Variants in GRM3 observed in about 807,000 individuals in gnomAD.
GRM3 encodes glutamate metabotropic receptor 3.
In GRM3, 26 loss-of-function variants were observed where a neutral mutation model predicts 70.5. The ratio of observed to expected loss-of-function variants is 0.37; its 90% CI spans 0.27 to 0.51. GRM3 has a LOEUF of 0.51. GRM3 is among the 20% of genes least tolerant of loss of function. GRM3 has a pLI of 0.93. For missense variants in GRM3, 859 were observed against 1,123.8 expected (o/e 0.76, Z 3.37); for synonymous variants, 443 against 434.9 (o/e 1.02, Z -0.23).
intron 1 of GRM3, among the ~76,000 whole-genome samples, chr7:86,722,576 AG>A (rs1388743259): frequency 2.1e-5 from 2 of 96,572 alleles, no homozygotes; most frequent in Non-Finnish European, 2.0e-5. Flanking sequence ...CATGGAAGGC[AG>A]GGGGGCATCA....
intron 1 of GRM3, among the ~76,000 whole-genome samples, chr7:86,744,817 ATGCCTGCCTT>A (rs1212975593): frequency 6.6e-6 from 1 of 152,058 alleles, no homozygotes; most frequent in Non-Finnish European, 1.5e-5. Context: ...GGAATATGAT[ATGCCTGCCTT>A]ACAAAAGATA....
intron 5 of GRM3, among the ~76,000 whole-genome samples, chr7:86,852,734 A>G (rs1305466938): frequency 7.9e-5 from 12 of 152,204 alleles, no homozygotes; most frequent in Admixed American, 6.6e-4. Context: ...TTTAACGTGC[A>G]TAAGTAACAA....
chr7:86,727,189 A>G (rs928408439), intron 1 of GRM3, among the ~76,000 whole-genome samples: 1 of 152,172 alleles, frequency 6.6e-6, no homozygotes, highest in Non-Finnish European at 1.5e-5. Context: ...TTTGTGGAAG[A>G]TCTTAATGGA....
chr7:86,700,485 T>G (rs1794923208), intron 1 of GRM3, among the ~76,000 whole-genome samples: 1 of 151,940 alleles, frequency 6.6e-6, no homozygotes, highest in Non-Finnish European at 1.5e-5. Flanking sequence ...CCCCAGCTAC[T>G]AACCATGACT....
intron 3 of GRM3, among the ~76,000 whole-genome samples, chr7:86,797,143 G>A (rs1797569609): frequency 6.6e-6 from 1 of 152,170 alleles, no homozygotes; most frequent in Admixed American, 6.5e-5. Flanking sequence ...CCAGTAGAGA[G>A]GGGTGTTGCT....
chr7:86,817,074 T>A (rs1278322251), intron 3 of GRM3, among the ~76,000 whole-genome samples: 1 of 151,868 alleles, frequency 6.6e-6, no homozygotes, highest in Non-Finnish European at 1.5e-5. Flanking sequence ...AAAATAATCT[T>A]GTTATTTTCT....
intron 3 of GRM3, among the ~76,000 whole-genome samples, chr7:86,794,445 C>G (rs1279527230): frequency 2.0e-5 from 3 of 152,090 alleles, no homozygotes; most frequent in Admixed American, 2.0e-4. Context: ...GGGAAGCTAT[C>G]CTAAAGTTGA....
At chr7:86,810,372 G>A (rs925510916) in intron 3 of GRM3, among the ~76,000 whole-genome samples, 3 of 151,950 alleles carry the variant, frequency 2.0e-5, no homozygotes, top group Non-Finnish European at 2.9e-5. Context: ...ATGAAAAGAT[G>A]ACATTCTGCT....
At chr7:86,692,289 A>C (rs1389335030) in intron 1 of GRM3, among the ~76,000 whole-genome samples, 1 of 152,180 alleles carries the variant, frequency 6.6e-6, no homozygotes. Flanking sequence ...ATAACATACA[A>C]ATTTTCTATC....
intron 2 of GRM3, among the ~76,000 whole-genome samples, chr7:86,783,159 A>G (rs773091431): frequency 1.3e-5 from 2 of 152,190 alleles, no homozygotes; most frequent in Admixed American, 6.5e-5. Context: ...CCCCAACCCT[A>G]GTTTTAAATT....
At chr7:86,645,980 T>TGGGTGGGGGGGGGGGGGGGGG (rs1562811178) in intron 1 of GRM3, among the ~76,000 whole-genome samples, 1 of 50,178 alleles carries the variant, frequency 2.0e-5, no homozygotes, top group African/African-American at 9.5e-5. Flanking sequence ...TTCTTTGTGG[T>TGGGTGGGGGGGGGGGGGGGGG]GGGCGGGGGG....
intron 3 of GRM3, among the ~76,000 whole-genome samples, chr7:86,806,206 C>T (rs1415433560): frequency 6.6e-6 from 1 of 152,170 alleles, no homozygotes. Flanking sequence ...CCACAATTAA[C>T]ATACATGTGC....
Position 86,747,414 on chromosome 7 carries a change from C to G in GRM3, c.-140-17592C>G, listed in dbSNP as rs577379836. Among the ~76,000 whole-genome samples, 4 of 152,142 alleles carry G rather than the reference C, an allele frequency of 2.6e-5. No homozygotes were observed. The South Asian group carries it at 8.3e-4, about 32-fold the overall frequency. ...TTTTAAGCCATATTTTCTATAAGCT[C>G]ATTTTATTTTATAAAAAGGTTGTTA... is the stretch of plus-strand genomic sequence containing the variant. On this transcript the variant is annotated intron_variant, in intron 1 of 5. Transcript: ENST00000361669.
chr7:86,810,850 A>G (rs1445401313), intron 3 of GRM3, among the ~76,000 whole-genome samples: 2 of 152,022 alleles, frequency 1.3e-5, no homozygotes, highest in African/African-American at 2.4e-5. Flanking sequence ...TGTGATAGAC[A>G]TATCTACATA....
At chr7:86,743,568 A>T (rs757656) in intron 1 of GRM3, among the ~76,000 whole-genome samples, 8 of 152,068 alleles carry the variant, frequency 5.3e-5, no homozygotes, top group South Asian at 2.1e-4. Context: ...CCTAACCCAA[A>T]GCCATCCCTG....
chr7:86,842,872 T>C (rs978338880), intron 4 of GRM3, among the ~76,000 whole-genome samples: 7 of 152,184 alleles, frequency 4.6e-5, no homozygotes, highest in African/African-American at 1.7e-4. Flanking sequence ...AACATCATGA[T>C]CTTTCCAGGA....
At chr7:86,717,494 A>C (rs917565975) in intron 1 of GRM3, among the ~76,000 whole-genome samples, 1 of 152,008 alleles carries the variant, frequency 6.6e-6, no homozygotes, top group African/African-American at 2.4e-5. Context: ...TCTCTTTACA[A>C]ATAAGAATCT....
rs1317921989 is a variant in GRM3, at chr7:86,786,485, G to T, written c.693G>T (p.Glu231Asp). 1 of 1,614,266 alleles carries T rather than the reference G, an allele frequency of 6.2e-7. No individual in the cohort carries two copies. Among genetic ancestry groups the T allele is most frequent in the Non-Finnish European group, 8.5e-7 (1 of 1,180,058 alleles). ...GGGAGACAGGGATCGAGGCCTTCGA[G>T]CAGGAAGCCCGCCTGCGCAACATCT... ...DYGETGIEAF[E>D]QEARLRNICI... is the part of the protein sequence containing the mutation. The change falls in exon 3 of 6, where the codon GAG (glutamate) becomes GAT (aspartate). Residue 231 changes from glutamate to aspartate, a missense_variant. Glu to Asp is a conservative substitution (Grantham distance 45, BLOSUM62 2). Transcript: ENST00000361669. This position sits in a 1 kb window ranked among gnomAD's most constrained non-coding sequence, Gnocchi z 6.0.
At chr7:86,828,546 A>G (rs1798290393) in intron 3 of GRM3, among the ~76,000 whole-genome samples, 1 of 151,970 alleles carries the variant, frequency 6.6e-6, no homozygotes, top group South Asian at 2.1e-4. Context: ...GTAGTTTATT[A>G]AGTGTACAGT....
Sources: allele counts gnomAD v4.1 joint callset (sites outside exome capture counted in the v4.1 genomes callset), GRCh38; gene constraint gnomAD v4.1.1; non-coding constraint Gnocchi (gnomAD v3.1); transcripts MANE v1.5; gene names NCBI Gene and HGNC (gene_info 2026-07-23, HGNC 2026-07-21).